Variants in ACSL5 observed in about 807,000 individuals in gnomAD.
ACSL5 encodes the protein long-chain-fatty-acid--CoA ligase 5.
A neutral mutation model predicts 84.9 loss-of-function variants in ACSL5; 50 were observed. That is an observed-to-expected ratio of 0.59 (90% confidence interval 0.47 to 0.75). ACSL5 has a LOEUF of 0.75. Ranked by LOEUF, ACSL5 falls within the 30% of genes least tolerant of loss-of-function variation. The probability of loss-of-function intolerance (pLI) is 0.00; values close to 1 mark genes in which losing one functional copy is unlikely to be tolerated. For missense variants in ACSL5, 775 were observed against 830.4 expected (o/e 0.93, Z 0.82); for synonymous variants, 280 against 300.7 (o/e 0.93, Z 0.71).
chr10:112,394,859 T>C (rs1843711497), intron 1 of ACSL5, 59 bp from the exon 2 acceptor site: 11 of 1,591,840 alleles, frequency 6.9e-6, no homozygotes, highest in Non-Finnish European at 9.4e-6. Flanking sequence ...CATAGAGCTA[T>C]TGAGTACAAA....
chr10:112,413,777 C>T (rs1296165669), intron 12 of ACSL5, among the ~76,000 whole-genome samples: 1 of 151,894 alleles, frequency 6.6e-6, no homozygotes, highest in Non-Finnish European at 1.5e-5. Flanking sequence ...AGTGCAATCC[C>T]CTTTTCCTTG....
intron 18 of ACSL5, chr10:112,425,714 T>A (rs1844651812): frequency 7.7e-6 from 3 of 389,030 alleles, no homozygotes; most frequent in Non-Finnish European, 1.4e-5. Flanking sequence ...TTAGAATGGC[T>A]ATACTAAAAG....
At chr10:112,384,589 C>A (rs1281726692) in intron 1 of ACSL5, among the ~76,000 whole-genome samples, 1 of 152,176 alleles carries the variant, frequency 6.6e-6, no homozygotes, top group African/African-American at 2.4e-5. Flanking sequence ...CTCACTGCAG[C>A]CTTGACCTCC....
rs893636534 is a variant in ACSL5 at position 112,415,190 on chromosome 10, AT to A, written c.1084-1688del. ...AATACACAGTTCACTTCTGGAATGT[AT>A]TTTTTTTTTGTTTTGTTTTTGTTTT... On this transcript the variant is annotated intron_variant, in intron 12 of 20. Coordinates refer to ENST00000354655, the MANE Select transcript of ACSL5 (RefSeq NM_203379.2). 5.7e-4 allele frequency among the ~76,000 whole-genome samples: 86 copies of A among 150,912 alleles called. 1 individual carries two copies. The highest frequency in any genetic ancestry group is 1.7e-3 in the African/African-American group (71 of 41,142).
At chr10:112,418,666 A>G (rs950571169) in intron 14 of ACSL5, 1 of 152,256 alleles carries the variant, frequency 6.6e-6, no homozygotes, top group Admixed American at 6.5e-5. Flanking sequence ...CTTACCAATA[A>G]TGTAATTAAT....
At chr10:112,419,110 G>A (rs1415586467) in intron 14 of ACSL5, among the ~76,000 whole-genome samples, 1 of 144,402 alleles carries the variant, frequency 6.9e-6, no homozygotes, top group African/African-American at 2.6e-5. Context: ...ATCTGTGTGT[G>A]TGTGTGTGTG....
intron 1 of ACSL5, among the ~76,000 whole-genome samples, chr10:112,374,506 A>G (rs1282879196): frequency 6.6e-6 from 1 of 152,178 alleles, no homozygotes; most frequent in Non-Finnish European, 1.5e-5. Flanking sequence ...CAGGGGATGG[A>G]ATTGGAAGGG....
intron 1 of ACSL5, among the ~76,000 whole-genome samples, chr10:112,382,415 G>T (rs1321075667): frequency 6.6e-6 from 1 of 152,178 alleles, no homozygotes; most frequent in Non-Finnish European, 1.5e-5. Context: ...GCTTCCCACT[G>T]TGTCTCAGGT....
In ACSL5 at chr10:112,409,798, G is replaced by A. The variant is rs1844138492; in HGVS notation, c.711+113G>A. The A allele has an allele frequency of 3.9e-6, 4 of 1,034,996 alleles. No individual in the cohort carries two copies. The East Asian group carries it at 9.6e-5, about 25-fold the overall frequency. 64.1% of individuals were successfully genotyped at this position (1,034,996 alleles called of 1,614,324 possible). A position where few individuals can be genotyped will look rare whatever the true frequency, so the allele number is the denominator to read the frequency against. On this transcript the variant is annotated intron_variant, in intron 7 of 20. Coordinates refer to ENST00000354655, the MANE Select transcript of ACSL5 (RefSeq NM_203379.2). ...CTTGTTCTCCAGGGGTGGCACGTGA[G>A]GAGTAGATTAGACTCATGCTGTGAA...
chr10:112,414,396 C>T (rs1844268232), intron 12 of ACSL5, among the ~76,000 whole-genome samples: 1 of 147,206 alleles, frequency 6.8e-6, no homozygotes, highest in African/African-American at 2.5e-5. Context: ...CACTCTGTCA[C>T]CCAGGCTGGA....
chr10:112,404,598 G>A, intron 4 of ACSL5, 23 bp downstream of exon 4: 2 of 1,610,006 alleles, frequency 1.2e-6, no homozygotes, highest in Non-Finnish European at 1.7e-6. Context: ...CATGTTTTTA[G>A]ACAGATTCTT....
chr10:112,388,873 G>C (rs1449852093), intron 1 of ACSL5, among the ~76,000 whole-genome samples: 4 of 152,186 alleles, frequency 2.6e-5, no homozygotes. Flanking sequence ...CAGATCTGGG[G>C]AAATGTTCCA....
At chr10:112,416,427 C>T (rs888154352) in intron 12 of ACSL5, among the ~76,000 whole-genome samples, 5 of 142,484 alleles carry the variant, frequency 3.5e-5, no homozygotes, top group East Asian at 2.2e-4. Context: ...GCCGAGATGG[C>T]GCCACTGCAC....
At chr10:112,390,380 G>C (rs1008096987) in intron 1 of ACSL5, among the ~76,000 whole-genome samples, 3 of 152,188 alleles carry the variant, frequency 2.0e-5, no homozygotes, top group African/African-American at 7.2e-5. Flanking sequence ...CAAAGAGAAA[G>C]TAGCAGTGTT....
chr10:112,403,108 G>GT (rs954443149), intron 3 of ACSL5, among the ~76,000 whole-genome samples: 21 of 152,116 alleles, frequency 1.4e-4, no homozygotes, highest in African/African-American at 4.1e-4. Context: ...GTGTTTCCGT[G>GT]TTTTTTTACA....
intron 14 of ACSL5, chr10:112,419,391 T>C (rs538847825): frequency 1.3e-5 from 2 of 152,326 alleles, no homozygotes; most frequent in South Asian, 2.1e-4. Context: ...AGGCAAAAGA[T>C]AATTTGGTCC....
intron 1 of ACSL5, among the ~76,000 whole-genome samples, chr10:112,392,582 A>G (rs1843668657): frequency 6.6e-6 from 1 of 152,154 alleles, no homozygotes; most frequent in South Asian, 2.1e-4. Context: ...TCTACTAAAA[A>G]TACAAAAAAG....
chr10:112,384,014 C>T (rs1053455524), intron 1 of ACSL5, among the ~76,000 whole-genome samples: 17 of 151,894 alleles, frequency 1.1e-4, no homozygotes, highest in African/African-American at 3.4e-4. Flanking sequence ...GACAACATGG[C>T]GAAATCCTGT....
chr10:112,383,539 G>A (rs529494246), intron 1 of ACSL5, among the ~76,000 whole-genome samples: 4 of 152,328 alleles, frequency 2.6e-5, no homozygotes, highest in African/African-American at 7.2e-5. Flanking sequence ...GTTTCTTATC[G>A]GTTAGAGAAA....
Sources: allele counts gnomAD v4.1 joint callset (sites outside exome capture counted in the v4.1 genomes callset), GRCh38; gene constraint gnomAD v4.1.1; transcripts MANE v1.5; gene names NCBI Gene and HGNC (gene_info 2026-07-23, HGNC 2026-07-21).